PIP5K1C: variants seen among roughly 807,000 people sequenced by gnomAD.
The protein encoded by PIP5K1C is phosphatidylinositol 4-phosphate 5-kinase type-1 gamma.
PIP5K1C carries 45 observed loss-of-function variants against 80.1 expected under a neutral mutation model. The observed-to-expected ratio is 0.56, with a 90% confidence interval of 0.44 to 0.72. PIP5K1C has a LOEUF of 0.72. PIP5K1C is among the 30% of genes least tolerant of loss of function. The pLI is 0.00. For synonymous variants in PIP5K1C, 498 were observed against 420.1 expected (o/e 1.19, Z -2.27); for missense variants, 753 against 954.6 (o/e 0.79, Z 2.78).
In PIP5K1C at chr19:3,686,221, G is replaced by A. The variant is rs542127530; in HGVS notation, c.94+14076C>T. Among the ~76,000 whole-genome samples, 50 of 152,164 alleles carry A rather than the reference G, an allele frequency of 3.3e-4. 1 individual carries two copies. Among genetic ancestry groups the A allele is most frequent in the African/African-American group, 1.2e-3 (49 of 41,512 alleles). On this transcript the variant is annotated intron_variant, in intron 1 of 17. Coordinates refer to ENST00000335312, the MANE Select transcript of PIP5K1C (RefSeq NM_012398.3). The stretch of plus-strand genomic sequence containing the variant: ...TAGCCAGGCACAGTGACTGACACCG[G>A]TAATCCTAGCACTTTGGGAGGCCGA...
At position 3,650,079 on chromosome 19, in the gene PIP5K1C, C is replaced by A. The variant is rs1448322121; in HGVS notation, c.1128-1371G>T. On this transcript the variant is annotated intron_variant, in intron 8 of 17. Transcript: ENST00000335312. ...CTGTGCCTGGCCTTGGCTCCCGCAC[C>A]CCCCCGCAGCTACACCCTGGTTGGG... The A allele has an allele frequency of 6.3e-5, 10 of 158,766 alleles. No individual in the cohort carries two copies. The East Asian group carries it at 1.2e-3, about 18-fold the overall frequency. 9.8% of individuals were successfully genotyped at this position (158,766 alleles called of 1,614,324 possible). A position where few individuals can be genotyped will look rare whatever the true frequency, so the allele number is the denominator to read the frequency against.
rs150181438 is a variant in PIP5K1C at position 3,692,696 on chromosome 19, C to A, written c.94+7601G>T. Among the ~76,000 whole-genome samples, 1 of 151,998 alleles carries A rather than the reference C, an allele frequency of 6.6e-6. No homozygotes were observed. The highest frequency in any genetic ancestry group is 2.4e-5 in the African/African-American group (1 of 41,374). ...TCCCCACAGCAGCCACCAGGGGGTGCCTGTGAGCTCCTGAGTCTCGCCCAT... is the reference window on the plus strand; with the variant it reads ...TCCCCACAGCAGCCACCAGGGGGTGACTGTGAGCTCCTGAGTCTCGCCCAT... On this transcript the variant is annotated intron_variant, in intron 1 of 17. Transcript: ENST00000335312. The surrounding 1 kb of genome is among the most constrained non-coding windows in gnomAD (Gnocchi z 5.2).
intron 10 of PIP5K1C, 99 bp downstream of exon 10, chr19:3,647,236 GTGC>G: frequency 9.8e-7 from 1 of 1,016,542 alleles, no homozygotes; most frequent in African/African-American, 1.7e-5. Context: ...TGGGAGGAGG[GTGC>G]AGGCACTCAC....
intron 1 of PIP5K1C, among the ~76,000 whole-genome samples, chr19:3,693,938 C>A (rs1025253166): frequency 6.6e-6 from 1 of 151,240 alleles, no homozygotes; most frequent in Non-Finnish European, 1.5e-5. Flanking sequence ...AGAGGCTGGG[C>A]GCGGTGGCTC....
At chr19:3,646,289 G>C (rs1193058379) in intron 10 of PIP5K1C, among the ~76,000 whole-genome samples, 1 of 152,184 alleles carries the variant, frequency 6.6e-6, no homozygotes, top group Non-Finnish European at 1.5e-5. Flanking sequence ...TTTTCCACTA[G>C]AGACCTGTTA....
chr19:3,637,979 T>TGGGCC lies in PIP5K1C; in HGVS notation c.1920+904_1920+905insGGCCC. 1 of 1,529,574 alleles carries TGGGCC rather than the reference T, an allele frequency of 6.5e-7. No individual in the cohort carries two copies. The highest frequency in any genetic ancestry group is 8.7e-7 in the Non-Finnish European group (1 of 1,144,014). The allele number at this position is 1,529,574 out of a possible 1,614,324, so 94.8% of individuals were successfully genotyped here. A position where few individuals can be genotyped will look rare whatever the true frequency, so the allele number is the denominator to read the frequency against. ...CGTCCCTCCCTTCTCCAGGGCCAGG[T>TGGGCC]GGGTGCATGGGGACCCCAGAGGCGC... On this transcript the variant is annotated intron_variant, in intron 16 of 17. Coordinates refer to ENST00000335312, the MANE Select transcript of PIP5K1C (RefSeq NM_012398.3). The surrounding 1 kb of genome is among the most constrained non-coding windows in gnomAD (Gnocchi z 7.0).
intron 1 of PIP5K1C, among the ~76,000 whole-genome samples, chr19:3,694,450 C>G (rs2145620743): frequency 6.6e-6 from 1 of 152,306 alleles, no homozygotes; most frequent in South Asian, 2.1e-4. Flanking sequence ...CCACCCCAGC[C>G]ACCAGCTCCA....
intron 2 of PIP5K1C, 140 bp from the exon 3 acceptor site, chr19:3,665,054 T>C: frequency 2.7e-6 from 2 of 745,074 alleles, no homozygotes; most frequent in Admixed American, 4.0e-5. Flanking sequence ...TCCAGGCGAC[T>C]CCGGGGTGCA....
chr19:3,664,148 C>T lies in PIP5K1C; in HGVS notation c.219+674G>A, dbSNP rs2034929223. 2.0e-5 allele frequency among the ~76,000 whole-genome samples: 3 copies of T among 152,324 alleles called. No homozygotes were observed. The South Asian group carries it at 6.2e-4, about 32-fold the overall frequency. ...AGCCACACAGTGTGTGATTCCACTTCTATGACACGTCCAGGACAGGCTGAT... is the reference window on the plus strand; with the variant it reads ...AGCCACACAGTGTGTGATTCCACTTTTATGACACGTCCAGGACAGGCTGAT... On this transcript the variant is annotated intron_variant, in intron 3 of 17. Coordinates refer to ENST00000335312, the MANE Select transcript of PIP5K1C (RefSeq NM_012398.3).
chr19:3,686,291 G>A (rs1293969442), intron 1 of PIP5K1C, among the ~76,000 whole-genome samples: 1 of 151,938 alleles, frequency 6.6e-6, no homozygotes, highest in African/African-American at 2.4e-5. Context: ...GTGGTGGCGG[G>A]CGCCTGTAGT....
At chr19:3,675,736 C>T (rs1345643642) in intron 1 of PIP5K1C, among the ~76,000 whole-genome samples, 12 of 152,216 alleles carry the variant, frequency 7.9e-5, no homozygotes, top group Non-Finnish European at 1.6e-4. Context: ...GATCTCCCCC[C>T]TCAGCACTTA....
At chr19:3,639,847 G>A (rs975645343) in intron 15 of PIP5K1C, among the ~76,000 whole-genome samples, 8 of 152,338 alleles carry the variant, frequency 5.3e-5, no homozygotes, top group African/African-American at 1.7e-4. Context: ...TTGCATTTGC[G>A]GAAACGGAGG....
intron 3 of PIP5K1C, among the ~76,000 whole-genome samples, chr19:3,663,497 G>A (rs1005188267): frequency 6.6e-6 from 1 of 152,134 alleles, no homozygotes; most frequent in African/African-American, 2.4e-5. Flanking sequence ...CCGCAAAGAC[G>A]CTCCATGCCA....
chr19:3,636,004 A>C (rs1163335765), intron 16 of PIP5K1C, among the ~76,000 whole-genome samples: 1 of 151,840 alleles, frequency 6.6e-6, no homozygotes, highest in Non-Finnish European at 1.5e-5. Context: ...CAAAAAACTC[A>C]AAATTAGCCA....
chr19:3,632,011 C>A lies in PIP5K1C; in HGVS notation c.*1156G>T, dbSNP rs909923754. ...GCCGAGCTCTGGCCTCCAACCAGCA[C>A]CCTCTGAGCGCAGCGGGCCCAGGAA... On this transcript the variant is annotated 3_prime_UTR_variant, in exon 18 of 18. Transcript: ENST00000335312. The A allele has an allele frequency of 2.6e-5, 4 of 152,310 alleles. No individual in the cohort carries two copies. Among genetic ancestry groups the A allele is most frequent in the African/African-American group, 9.6e-5 (4 of 41,470 alleles). The allele number at this position is 152,310 out of a possible 1,614,324, so 9.4% of individuals were successfully genotyped here.
intron 1 of PIP5K1C, among the ~76,000 whole-genome samples, chr19:3,685,295 A>G (rs1401265021): frequency 6.6e-6 from 1 of 152,212 alleles, no homozygotes; most frequent in Non-Finnish European, 1.5e-5. Context: ...CTTCAATTCT[A>G]GAACTTTCTC....
intron 16 of PIP5K1C, chr19:3,636,433 C>T: frequency 3.0e-6 from 3 of 985,460 alleles, no homozygotes; most frequent in Non-Finnish European, 3.6e-6. Context: ...GACCACCCTC[C>T]CCACGTCTGC....
At chr19:3,669,367 C>A (rs2035125889) in intron 1 of PIP5K1C, among the ~76,000 whole-genome samples, 1 of 152,102 alleles carries the variant, frequency 6.6e-6, no homozygotes, top group Non-Finnish European at 1.5e-5. Context: ...GCAGGGGAGG[C>A]CAGGACATGT....
At chr19:3,647,660 G>A (rs1439817468) in intron 9 of PIP5K1C, among the ~76,000 whole-genome samples, 1 of 152,136 alleles carries the variant, frequency 6.6e-6, no homozygotes, top group Non-Finnish European at 1.5e-5. Flanking sequence ...ACATTCTAGA[G>A]CCCCAGCTGA....
Sources: allele counts gnomAD v4.1 joint callset (sites outside exome capture counted in the v4.1 genomes callset), GRCh38; gene constraint gnomAD v4.1.1; non-coding constraint Gnocchi (gnomAD v3.1); transcripts MANE v1.5; gene names NCBI Gene and HGNC (gene_info 2026-07-23, HGNC 2026-07-21).